The following PPP4R1 variants were observed in gnomAD, a reference collection of about 807,000 sequenced individuals.
PPP4R1 encodes the protein serine/threonine-protein phosphatase 4 regulatory subunit 1.
In PPP4R1, 42 loss-of-function variants were observed where a neutral mutation model predicts 111.2. The ratio of observed to expected loss-of-function variants is 0.38; its 90% CI spans 0.29 to 0.49. The LOEUF is 0.49. Ranked by LOEUF, PPP4R1 falls within the 20% of genes least tolerant of loss-of-function variation. The pLI is 0.97. For missense variants in PPP4R1, 1,012 were observed against 1,161.6 expected (o/e 0.87, Z 1.87); for synonymous variants, 409 against 405.5 (o/e 1.01, Z -0.10).
Position 9,577,049 on chromosome 18 carries a change from GTTTC to G in PPP4R1, c.1046+11_1046+14del, listed in dbSNP as rs1337147051. ...AACAAGGTTTTAAAATTAGAAAATG[GTTTC>G]AAAATTATACCTATTTTTGTTTTCT... On this transcript the variant is annotated intron_variant, in intron 10 of 19. Coordinates refer to ENST00000400556, the MANE Select transcript of PPP4R1 (RefSeq NM_001042388.3). 6.6e-7 allele frequency: 1 copy of G among 1,510,004 alleles called. No individual in the cohort carries two copies. Among genetic ancestry groups the G allele is most frequent in the Non-Finnish European group, 8.9e-7 (1 of 1,118,444 alleles). 93.5% of individuals were successfully genotyped at this position (1,510,004 alleles called of 1,614,324 possible).
At chr18:9,614,640 G>A, upstream of PPP4R1, 1 of 220,304 alleles carries the variant, frequency 4.5e-6, no homozygotes, top group Non-Finnish European at 7.4e-6. The surrounding 1 kb of genome is among the most constrained non-coding windows in gnomAD (Gnocchi z 4.1). Flanking sequence ...GAGGGCCCGG[G>A]CCTGCCGCGG....
At chr18:9,562,906 T>C in intron 12 of PPP4R1, 1 of 987,052 alleles carries the variant, frequency 1.0e-6, no homozygotes, top group Non-Finnish European at 1.2e-6. Flanking sequence ...AAGATGATGC[T>C]AGGATCAGTA....
At chr18:9,554,389 A>G (rs1012530599) in intron 15 of PPP4R1, among the ~76,000 whole-genome samples, 1 of 152,122 alleles carries the variant, frequency 6.6e-6, no homozygotes, top group Non-Finnish European at 1.5e-5. Flanking sequence ...TTGGCCTCCC[A>G]AAGTGCTGGG....
chr18:9,605,354 T>A (rs138905902), intron 2 of PPP4R1, among the ~76,000 whole-genome samples: 205 of 152,092 alleles, frequency 1.3e-3, no homozygotes, highest in African/African-American at 4.8e-3. Flanking sequence ...CATCAACACA[T>A]TCTAACACTA....
chr18:9,556,110 A>G (rs927433661), intron 15 of PPP4R1, among the ~76,000 whole-genome samples: 36 of 146,528 alleles, frequency 2.5e-4, no homozygotes, highest in Non-Finnish European at 3.0e-4. Flanking sequence ...GCAGTGAGCC[A>G]AGATCCTGCC....
intron 4 of PPP4R1, among the ~76,000 whole-genome samples, chr18:9,591,963 A>T (rs1430897683): frequency 6.6e-6 from 1 of 152,178 alleles, no homozygotes; most frequent in African/African-American, 2.4e-5. Context: ...GTTATTCGAG[A>T]GGCTGAGGCA....
intron 15 of PPP4R1, among the ~76,000 whole-genome samples, chr18:9,554,799 AAAATCAAAGGAC>A (rs1463341450): frequency 6.6e-6 from 1 of 152,222 alleles, no homozygotes; most frequent in South Asian, 2.1e-4. Flanking sequence ...GATGCACTTA[AAAATCAAAGGAC>A]AAATCAAAGG....
chr18:9,600,379 A>G lies in PPP4R1; in HGVS notation c.53-5226T>C, dbSNP rs541768444. Among the ~76,000 whole-genome samples the G allele has an allele frequency of 3.9e-5, 6 of 152,162 alleles. No individual in the cohort carries two copies. The South Asian group carries it at 1.2e-3, about 32-fold the overall frequency. On this transcript the variant is annotated intron_variant, in intron 2 of 19. Coordinates refer to ENST00000400556, the MANE Select transcript of PPP4R1 (RefSeq NM_001042388.3). ...ACCATAAGTCAAACAGAAAATAAAT[A>G]GCAGAATCACAGACCTAAATGCAAC...
rs1368356166 is a variant in PPP4R1 at position 9,566,692 on chromosome 18, C to T, written c.1574-3142G>A. 4.9e-5 allele frequency among the ~76,000 whole-genome samples: 7 copies of T among 143,158 alleles called. No individual in the cohort carries two copies. The South Asian group carries it at 6.6e-4, about 14-fold the overall frequency. The allele number at this position is 143,158 out of a possible 152,430, so 93.9% of individuals were successfully genotyped here. On this transcript the variant is annotated intron_variant, in intron 11 of 19. Coordinates refer to ENST00000400556, the MANE Select transcript of PPP4R1 (RefSeq NM_001042388.3). ...ACACACACACACACACACACACACA[C>T]GTTAAAACCAATGCTCATTTACTCA...
intron 16 of PPP4R1, chr18:9,550,627 G>T: frequency 1.9e-6 from 1 of 514,990 alleles, no homozygotes; most frequent in Non-Finnish European, 3.4e-6. Context: ...GAAAACAAAA[G>T]CTGTAGAGTT....
chr18:9,590,897 T>C (rs989463370), intron 4 of PPP4R1, among the ~76,000 whole-genome samples: 4 of 152,168 alleles, frequency 2.6e-5, no homozygotes, highest in Non-Finnish European at 5.9e-5. Context: ...ACTTCTCTTC[T>C]GCAAGAAGCA....
chr18:9,593,082 A>G (rs1259611531), intron 4 of PPP4R1, among the ~76,000 whole-genome samples: 4 of 152,190 alleles, frequency 2.6e-5, no homozygotes, highest in Admixed American at 6.5e-5. Flanking sequence ...GAGATGCCAA[A>G]AAGTCTGTCA....
chr18:9,550,443 G>A (rs2066471069), intron 16 of PPP4R1, 45 bp from the exon 17 acceptor site: 1 of 1,543,922 alleles, frequency 6.5e-7, no homozygotes, highest in Non-Finnish European at 8.8e-7. Context: ...AAATCAGCGA[G>A]ACAAATGAAA....
At chr18:9,560,495 G>A (rs1306066486) in intron 13 of PPP4R1, among the ~76,000 whole-genome samples, 4 of 151,854 alleles carry the variant, frequency 2.6e-5, no homozygotes, top group South Asian at 2.1e-4. Context: ...GAGTGGAGAA[G>A]AAAAAACTGA....
chr18:9,557,501 G>T, intron 14 of PPP4R1, 119 bp from the exon 15 acceptor site: 2 of 871,554 alleles, frequency 2.3e-6, no homozygotes, highest in Non-Finnish European at 3.3e-6. Context: ...AATTAAATCA[G>T]AATAACAGAT....
intron 15 of PPP4R1, among the ~76,000 whole-genome samples, chr18:9,555,993 C>CA (rs372094910): frequency 0.28 from 33,820 of 119,648 alleles, 4,581 homozygotes; most frequent in East Asian, 0.67. Flanking sequence ...AACAAACAAA[C>CA]AAACAAAAAA....
chr18:9,595,275 C>T (rs1361075739), intron 2 of PPP4R1, 122 bp from the exon 3 acceptor site: 5 of 1,024,308 alleles, frequency 4.9e-6, no homozygotes, highest in African/African-American at 1.6e-5. Context: ...AAGAGACTCT[C>T]AGAATCAATC....
At chr18:9,551,368 G>C (rs773177286) in intron 16 of PPP4R1, 1 of 152,318 alleles carries the variant, frequency 6.6e-6, no homozygotes, top group African/African-American at 2.4e-5. Context: ...ACAGGGCAGG[G>C]AGAAATCAGC....
At chr18:9,586,990 A>G (rs774814935) in intron 6 of PPP4R1, among the ~76,000 whole-genome samples, 6 of 152,192 alleles carry the variant, frequency 3.9e-5, no homozygotes, top group Non-Finnish European at 7.3e-5. Context: ...AACAATCTGT[A>G]TATTCTTCTG....
Sources: gnomAD v4.1 joint callset for allele counts (sites outside exome capture counted in the v4.1 genomes callset) on GRCh38, gnomAD v4.1.1 for gene constraint, Gnocchi (gnomAD v3.1) non-coding constraint, MANE v1.5 for transcripts, NCBI Gene and HGNC (gene_info 2026-07-23, HGNC 2026-07-21) for gene names.